RPS6KC1: variants seen among roughly 807,000 people sequenced by gnomAD.
RPS6KC1 encodes the protein ribosomal protein S6 kinase C1.
A neutral mutation model predicts 103.8 loss-of-function variants in RPS6KC1; 54 were observed. The observed-to-expected ratio is 0.52, with a 90% CI of 0.42 to 0.65. RPS6KC1 has a LOEUF of 0.65. Ranked by LOEUF, RPS6KC1 falls within the 30% of genes least tolerant of loss-of-function variation. The pLI is 0.00. For missense variants in RPS6KC1, 1,151 were observed against 1,253.8 expected (o/e 0.92, Z 1.24); for synonymous variants, 439 against 438.7 (o/e 1.00, Z -0.01).
the RPS6KC1 span, among the ~76,000 whole-genome samples, chr1:213,721,336 A>G: frequency 3.3e-5 from 5 of 152,112 alleles, no homozygotes; most frequent in Non-Finnish European, 5.9e-5. Flanking sequence ...TGTGGGAGGG[A>G]CCCAGTGGGA....
the RPS6KC1 span, among the ~76,000 whole-genome samples, chr1:213,734,430 C>T: frequency 1.2e-3 from 149 of 122,268 alleles, 1 homozygote; most frequent in African/African-American, 4.7e-3. Context: ...TAATATGTTA[C>T]AAGGCCTCCC....
the RPS6KC1 span, among the ~76,000 whole-genome samples, chr1:213,351,976 T>C: frequency 1.3e-5 from 2 of 152,020 alleles, no homozygotes; most frequent in Admixed American, 6.6e-5. Context: ...AGGATTTTTT[T>C]TTCTTTTTTT....
chr1:213,146,632 A>AG (rs2087871960), intron 6 of RPS6KC1, among the ~76,000 whole-genome samples: 2 of 151,806 alleles, frequency 1.3e-5, no homozygotes, highest in Admixed American at 1.3e-4. Context: ...TCTCTGTGTC[A>AG]GCCAGGATGG....
At chr1:213,448,112 C>A in the RPS6KC1 span, among the ~76,000 whole-genome samples, 1 of 149,668 alleles carries the variant, frequency 6.7e-6, no homozygotes, top group Admixed American at 6.7e-5. Context: ...GTGGAATGTG[C>A]GTGTAGTCCC....
downstream of RPS6KC1, among the ~76,000 whole-genome samples, chr1:213,276,213 A>G (rs1373053846): frequency 2.6e-5 from 4 of 152,214 alleles, no homozygotes; most frequent in Non-Finnish European, 4.4e-5. Flanking sequence ...AGGTCTGACT[A>G]GAGCCCTGAG....
chr1:213,724,088 C>T, the RPS6KC1 span, among the ~76,000 whole-genome samples: 33,262 of 152,018 alleles, frequency 0.22, 3,887 homozygotes, highest in South Asian at 0.28. Flanking sequence ...ATTTCTTTTT[C>T]ATTTTTTTAT....
At chr1:213,245,721 G>T (rs1263615967) in intron 12 of RPS6KC1, among the ~76,000 whole-genome samples, 1 of 151,980 alleles carries the variant, frequency 6.6e-6, no homozygotes, top group Admixed American at 6.6e-5. Flanking sequence ...CTAGCAGGGG[G>T]GCCATTATTC....
chr1:213,600,197 G>A, the RPS6KC1 span, among the ~76,000 whole-genome samples: 1 of 152,134 alleles, frequency 6.6e-6, no homozygotes, highest in African/African-American at 2.4e-5. Flanking sequence ...ATGTGGAACT[G>A]TGAGTCAATT....
chr1:213,496,765 A>T, the RPS6KC1 span, among the ~76,000 whole-genome samples: 5 of 152,140 alleles, frequency 3.3e-5, no homozygotes, highest in African/African-American at 7.2e-5. Flanking sequence ...CTCGGGGGAA[A>T]AAAAGAAAAG....
chr1:213,172,777 G>A (rs1324154282), intron 7 of RPS6KC1, among the ~76,000 whole-genome samples: 1 of 152,112 alleles, frequency 6.6e-6, no homozygotes, highest in Non-Finnish European at 1.5e-5. Flanking sequence ...GAAGATTGTT[G>A]GGTCATCATG....
chr1:213,070,047 A>G (rs746803236), intron 1 of RPS6KC1, among the ~76,000 whole-genome samples: 15 of 152,310 alleles, frequency 9.8e-5, no homozygotes, highest in South Asian at 2.1e-4. Context: ...TTGTCCCTGA[A>G]TGTTTGTAAA....
chr1:213,311,990 T>C, the RPS6KC1 span, among the ~76,000 whole-genome samples: 2 of 150,150 alleles, frequency 1.3e-5, no homozygotes, highest in Non-Finnish European at 3.0e-5. Flanking sequence ...CTCCACCTCC[T>C]GGGTTCAAGT....
At chr1:213,280,148 T>C in the RPS6KC1 span, among the ~76,000 whole-genome samples, 4 of 152,000 alleles carry the variant, frequency 2.6e-5, no homozygotes, top group Non-Finnish European at 4.4e-5. Flanking sequence ...TAGGAGAAGA[T>C]AGATAATGAA....
the RPS6KC1 span, among the ~76,000 whole-genome samples, chr1:213,321,784 T>C: frequency 1.3e-5 from 2 of 152,172 alleles, no homozygotes; most frequent in African/African-American, 4.8e-5. Flanking sequence ...AGGGGTTTCC[T>C]TTTGAAATGG....
chr1:213,835,081 A>G, the RPS6KC1 span, among the ~76,000 whole-genome samples: 1 of 152,222 alleles, frequency 6.6e-6, no homozygotes, highest in Non-Finnish European at 1.5e-5. Context: ...GGTTCAGGAA[A>G]GCCCTCTCAA....
chr1:213,638,973 C>G, the RPS6KC1 span, among the ~76,000 whole-genome samples: 1 of 152,024 alleles, frequency 6.6e-6, no homozygotes, highest in Non-Finnish European at 1.5e-5. Flanking sequence ...GCTGAGTCTT[C>G]TATGCCATGG....
the RPS6KC1 span, among the ~76,000 whole-genome samples, chr1:213,398,172 C>T: frequency 6.7e-6 from 1 of 149,538 alleles, no homozygotes; most frequent in Non-Finnish European, 1.5e-5. Flanking sequence ...GCTGGGACTA[C>T]AGGCACTCAC....
chr1:213,499,481 T>A, the RPS6KC1 span, among the ~76,000 whole-genome samples: 8,566 of 152,190 alleles, frequency 0.056, 744 homozygotes, highest in African/African-American at 0.19. Flanking sequence ...TCATCAGGCA[T>A]AGTTAGAGTC....
At chr1:213,643,955 G>A in the RPS6KC1 span, among the ~76,000 whole-genome samples, 1 of 151,904 alleles carries the variant, frequency 6.6e-6, no homozygotes, top group Non-Finnish European at 1.5e-5. Context: ...GCTTTCCTAG[G>A]ATAAACCATA....
Sources: allele counts gnomAD v4.1 joint callset (sites outside exome capture counted in the v4.1 genomes callset), GRCh38; gene constraint gnomAD v4.1.1; transcripts MANE v1.5; gene names NCBI Gene and HGNC (gene_info 2026-07-23, HGNC 2026-07-21).